The following CTIF variants were observed in gnomAD, a reference collection of about 807,000 sequenced individuals.
CTIF encodes cap binding complex dependent translation initiation factor.
CTIF carries 21 observed loss-of-function variants against 66.0 expected under a neutral mutation model. That is an observed-to-expected ratio of 0.32 (90% CI 0.23 to 0.46). CTIF has a LOEUF of 0.46. Ranked by LOEUF, CTIF falls within the 20% of genes least tolerant of loss-of-function variation. The pLI is 1.00. For synonymous variants in CTIF, 345 were observed against 326.4 expected (o/e 1.06, Z -0.62); for missense variants, 739 against 812.7 (o/e 0.91, Z 1.10).
intron 10 of CTIF, among the ~76,000 whole-genome samples, chr18:48,824,733 C>T (rs775371236): frequency 6.6e-6 from 1 of 152,084 alleles, no homozygotes. Flanking sequence ...CTTCGCCTCC[C>T]GGGTTCAAGC....
At chr18:48,616,525 G>A (rs979482235) in intron 1 of CTIF, among the ~76,000 whole-genome samples, 16 of 152,216 alleles carry the variant, frequency 1.1e-4, no homozygotes, top group Non-Finnish European at 1.5e-4. Flanking sequence ...AGGCATAGTC[G>A]TGCAGACCTG....
chr18:48,629,239 C>A (rs545931348), intron 2 of CTIF, among the ~76,000 whole-genome samples: 1 of 152,354 alleles, frequency 6.6e-6, no homozygotes, highest in South Asian at 2.1e-4. Context: ...AAAATCCCCC[C>A]TGGGTGTCTG....
intron 1 of CTIF, among the ~76,000 whole-genome samples, chr18:48,569,338 A>T (rs950965985): frequency 6.6e-6 from 1 of 152,190 alleles, no homozygotes; most frequent in African/African-American, 2.4e-5. Flanking sequence ...GCAAGCTGTC[A>T]TAGACTTGAT....
At chr18:48,829,427 G>A (rs1453399047) in intron 10 of CTIF, among the ~76,000 whole-genome samples, 1 of 152,108 alleles carries the variant, frequency 6.6e-6, no homozygotes, top group African/African-American at 2.4e-5. Context: ...ACCGGGCACT[G>A]GGGGTGCAAA....
chr18:48,763,239 G>C lies in CTIF; in HGVS notation c.1371+1550G>C, dbSNP rs115289116. ...CAAGAGTTCTAGACAGTGGTTGCCA[G>C]CTCCAAGTAACCCAGCCAGACCCGG... On this transcript the variant is annotated intron_variant, in intron 9 of 11. Coordinates refer to ENST00000256413, the MANE Select transcript of CTIF (RefSeq NM_014772.3). Among the ~76,000 whole-genome samples the C allele has an allele frequency of 4.6e-3, 707 of 152,378 alleles. 8 individuals carry two copies. Among genetic ancestry groups the C allele is most frequent in the African/African-American group, 0.016 (677 of 41,586 alleles).
chr18:48,850,088 G>C (rs1428404382), intron 10 of CTIF, among the ~76,000 whole-genome samples: 1 of 152,074 alleles, frequency 6.6e-6, no homozygotes, highest in Admixed American at 6.5e-5. Context: ...ACTACTCTAG[G>C]GACCTCATAG....
intron 1 of CTIF, among the ~76,000 whole-genome samples, chr18:48,579,968 G>A (rs1327272375): frequency 1.3e-5 from 2 of 152,168 alleles, no homozygotes; most frequent in Non-Finnish European, 2.9e-5. Flanking sequence ...AAGGAACTAC[G>A]ATGTCTCTGA....
chr18:48,753,127 G>A (rs1908001902), intron 7 of CTIF, among the ~76,000 whole-genome samples: 1 of 152,204 alleles, frequency 6.6e-6, no homozygotes, highest in Non-Finnish European at 1.5e-5. Context: ...ATGTGTAGGT[G>A]GGCAGGAGTG....
chr18:48,581,080 A>G (rs952890580), intron 1 of CTIF, among the ~76,000 whole-genome samples: 5 of 152,204 alleles, frequency 3.3e-5, no homozygotes, highest in African/African-American at 1.2e-4. Context: ...TTTTTCCTTC[A>G]GCGTCATTCC....
chr18:48,544,483 C>A (rs1259455751), intron 1 of CTIF, among the ~76,000 whole-genome samples: 1 of 152,192 alleles, frequency 6.6e-6, no homozygotes, highest in Non-Finnish European at 1.5e-5. Flanking sequence ...AACAGAAAGC[C>A]TTGAACTTCC....
intron 6 of CTIF, among the ~76,000 whole-genome samples, chr18:48,678,264 C>G (rs931878617): frequency 2.6e-5 from 4 of 152,234 alleles, no homozygotes; most frequent in Admixed American, 6.5e-5. Context: ...AAAGCCTCTA[C>G]AGACAGCTTT....
chr18:48,750,642 G>A (rs939129275), intron 7 of CTIF, among the ~76,000 whole-genome samples: 6 of 152,208 alleles, frequency 3.9e-5, no homozygotes, highest in Admixed American at 2.6e-4. Flanking sequence ...TTCCCGAGAC[G>A]CAGTGGAGCC....
intron 10 of CTIF, chr18:48,834,583 G>C (rs963838409): frequency 6.6e-6 from 1 of 152,480 alleles, no homozygotes; most frequent in Non-Finnish European, 1.5e-5. Context: ...CAGTTTCCCA[G>C]GTGATGCTGA....
At chr18:48,651,336 G>A (rs773970625) in intron 3 of CTIF, among the ~76,000 whole-genome samples, 104 of 152,098 alleles carry the variant, frequency 6.8e-4, no homozygotes, top group Non-Finnish European at 7.6e-4. Flanking sequence ...AAAGGCAGGG[G>A]TTGCAATCCT....
At chr18:48,627,777 A>C (rs991030358) in intron 2 of CTIF, among the ~76,000 whole-genome samples, 1 of 3,534 alleles carries the variant, frequency 2.8e-4, no homozygotes. Context: ...GTTGGGGGGG[A>C]GGGTGGGGAG....
intron 6 of CTIF, among the ~76,000 whole-genome samples, chr18:48,695,543 A>G (rs73958927): frequency 0.016 from 2,384 of 152,266 alleles, 59 homozygotes; most frequent in African/African-American, 0.054. Flanking sequence ...CCCTAGTTCC[A>G]TTGCTTACTT....
chr18:48,724,675 G>A (rs1291558223), intron 7 of CTIF, among the ~76,000 whole-genome samples: 3 of 152,252 alleles, frequency 2.0e-5, no homozygotes, highest in Non-Finnish European at 2.9e-5. Flanking sequence ...TTTCCCTGCT[G>A]TGTGTGAGCT....
rs1189657897 is a variant in CTIF, at chr18:48,619,555, G to A, written c.-11G>A. On this transcript the variant is annotated 5_prime_UTR_variant, in exon 2 of 12. Transcript: ENST00000256413. ...CCCACCAGTCCCGGCCCAGGCCCCT[G>A]AGCTGGAGGGATGGAAAACTCCTCT... is the stretch of plus-strand genomic sequence containing the variant. The A allele has an allele frequency of 6.5e-7, 1 of 1,529,926 alleles. No homozygotes were observed. Among genetic ancestry groups the A allele is most frequent in the Non-Finnish European group, 8.8e-7 (1 of 1,137,610 alleles). The allele number at this position is 1,529,926 out of a possible 1,614,324, so 94.8% of individuals were successfully genotyped here. A position where few individuals can be genotyped will look rare whatever the true frequency, so the allele number is the denominator to read the frequency against.
At chr18:48,703,831 C>A (rs2092116387) in intron 6 of CTIF, among the ~76,000 whole-genome samples, 1 of 152,124 alleles carries the variant, frequency 6.6e-6, no homozygotes, top group South Asian at 2.1e-4. Flanking sequence ...CCAGGAATAC[C>A]CCTTTCTGGA....
Sources: gnomAD v4.1 joint callset for allele counts (sites outside exome capture counted in the v4.1 genomes callset) on GRCh38, gnomAD v4.1.1 for gene constraint, MANE v1.5 for transcripts, NCBI Gene and HGNC (gene_info 2026-07-23, HGNC 2026-07-21) for gene names.